The following ENTPD1 variants were observed in gnomAD, a reference collection of about 807,000 sequenced individuals.
ENTPD1 encodes the protein ectonucleoside triphosphate diphosphohydrolase 1, also known as ATP diphosphohydrolase.
In ENTPD1, 33 loss-of-function variants were observed where a neutral mutation model predicts 57.0. The observed-to-expected ratio is 0.58, with a 90% CI of 0.44 to 0.77. ENTPD1 has a LOEUF of 0.77. Among genes scored for constraint, ENTPD1 ranks in the 30% least tolerant of loss-of-function variants. The pLI, the probability that ENTPD1 is intolerant of heterozygous loss-of-function variation, is 0.00. For synonymous variants in ENTPD1, 202 were observed against 218.8 expected (o/e 0.92, Z 0.68); for missense variants, 501 against 603.4 (o/e 0.83, Z 1.78).
chr10:95,785,313 C>A (rs1018623709), intron 1 of ENTPD1: 9 of 152,214 alleles, frequency 5.9e-5, no homozygotes, highest in African/African-American at 2.2e-4. Context: ...CATAGTTCTG[C>A]TTCTTACTAG....
chr10:95,807,998 GT>G (rs1416536664), intron 1 of ENTPD1, among the ~76,000 whole-genome samples: 1 of 152,176 alleles, frequency 6.6e-6, no homozygotes, highest in Admixed American at 6.5e-5. Flanking sequence ...CCTTGTGCCA[GT>G]TTTCAAGGGG....
chr10:95,822,917 T>C (rs1438938841), intron 1 of ENTPD1, among the ~76,000 whole-genome samples: 1 of 152,250 alleles, frequency 6.6e-6, no homozygotes, highest in African/African-American at 2.4e-5. Context: ...TTGTTACTTC[T>C]ACCTTGATAG....
At chr10:95,724,908 G>A (rs571947017) in intron 1 of ENTPD1, among the ~76,000 whole-genome samples, 32 of 152,154 alleles carry the variant, frequency 2.1e-4, no homozygotes, top group African/African-American at 7.5e-4. Flanking sequence ...AGAAGTTTTG[G>A]GCCTTTATTT....
chr10:95,738,903 A>G (rs1018899831), intron 1 of ENTPD1, among the ~76,000 whole-genome samples: 2 of 152,216 alleles, frequency 1.3e-5, no homozygotes, highest in Non-Finnish European at 2.9e-5. Context: ...TTTGGATTGT[A>G]TACACAGGTA....
intron 2 of ENTPD1, among the ~76,000 whole-genome samples, chr10:95,834,965 T>C (rs1307796218): frequency 6.6e-6 from 1 of 152,074 alleles, no homozygotes; most frequent in Non-Finnish European, 1.5e-5. Flanking sequence ...TTTAGACTCA[T>C]GGGGCACATG....
chr10:95,760,298 T>G (rs577367662), intron 1 of ENTPD1, among the ~76,000 whole-genome samples: 1 of 152,352 alleles, frequency 6.6e-6, no homozygotes, highest in East Asian at 1.9e-4. Context: ...GAGTAGAATC[T>G]GGTGCCCATG....
At chr10:95,699,156 C>CA in the ENTPD1 span, among the ~76,000 whole-genome samples, 1 of 151,332 alleles carries the variant, frequency 6.6e-6, no homozygotes, top group Admixed American at 6.6e-5. Context: ...CCCTGGGTGA[C>CA]AAAGTCTCTT....
chr10:95,709,610 A>C (rs1028646746), upstream of ENTPD1, among the ~76,000 whole-genome samples: 1 of 151,722 alleles, frequency 6.6e-6, no homozygotes, highest in Non-Finnish European at 1.5e-5. Context: ...TCTCAAACTC[A>C]TGACCTCAGG....
At chr10:95,819,373 C>T (rs1022512414) in intron 1 of ENTPD1, among the ~76,000 whole-genome samples, 2 of 151,924 alleles carry the variant, frequency 1.3e-5, no homozygotes, top group Non-Finnish European at 2.9e-5. Flanking sequence ...ACCATGTTAC[C>T]CCCCAGTCTC....
chr10:95,788,596 G>A (rs944609661), intron 1 of ENTPD1, among the ~76,000 whole-genome samples: 6 of 149,550 alleles, frequency 4.0e-5, no homozygotes, highest in South Asian at 2.2e-4. Flanking sequence ...CAGCCTGGGC[G>A]ACAAAGTGAG....
chr10:95,718,119 G>C (rs1007439419), intron 1 of ENTPD1, among the ~76,000 whole-genome samples: 6 of 152,180 alleles, frequency 3.9e-5, no homozygotes, highest in Non-Finnish European at 5.9e-5. Context: ...CTTGGTAAGG[G>C]GAGCTACTGG....
At chr10:95,861,542 CCA>C (rs2098465334) in intron 8 of ENTPD1, 1 of 152,196 alleles carries the variant, frequency 6.6e-6, no homozygotes, top group African/African-American at 2.4e-5. Context: ...TGGAAGCTTG[CCA>C]TTCTCTCCAG....
chr10:95,857,693 T>C (rs1246652020), intron 7 of ENTPD1, among the ~76,000 whole-genome samples: 1 of 152,238 alleles, frequency 6.6e-6, no homozygotes, highest in East Asian at 1.9e-4. Flanking sequence ...AGAGCAGTTT[T>C]CTGCCACTTA....
intron 1 of ENTPD1, among the ~76,000 whole-genome samples, chr10:95,749,215 G>A (rs996380259): frequency 6.6e-6 from 1 of 152,174 alleles, no homozygotes; most frequent in African/African-American, 2.4e-5. Flanking sequence ...GGTACATTTT[G>A]TGCAGCAAAG....
In ENTPD1 at chr10:95,756,256, G is replaced by A. The variant is rs1452724955; in HGVS notation, c.16+1G>A. ...CTGCTACTTATGGAAGATACAAAGG[G>A]TAAGACCAAAATTGATTTGATCTGA... On this transcript the variant is annotated splice_donor_variant, in intron 1 of 9. Transcript: ENST00000371205. LOFTEE classifies it high-confidence loss of function. 3 of 1,592,678 alleles carry A rather than the reference G, an allele frequency of 1.9e-6. No individual in the cohort carries two copies. Among genetic ancestry groups the A allele is most frequent in the Non-Finnish European group, 2.6e-6 (3 of 1,168,592 alleles).
chr10:95,827,658 G>C (rs1053434569), intron 2 of ENTPD1, among the ~76,000 whole-genome samples: 7 of 151,868 alleles, frequency 4.6e-5, no homozygotes, highest in African/African-American at 1.7e-4. Flanking sequence ...GCTAATTTTT[G>C]TATTTAGTAG....
chr10:95,756,522 T>C (rs1208534945), intron 1 of ENTPD1: 2 of 109,042 alleles, frequency 1.8e-5, no homozygotes, highest in African/African-American at 1.9e-4. Context: ...TCAGAGTTGG[T>C]TTTTTTAGAG....
Position 95,866,836 on chromosome 10 carries a change from A to AT in ENTPD1, c.*454dup. ...CTGTTTGCCATCCATTAAGAAAGCC[A>AT]TATGATGCCTTTGGAGAAGGCAGAC... is the stretch of plus-strand genomic sequence containing the variant. On this transcript the variant is annotated 3_prime_UTR_variant, in exon 10 of 10. Coordinates refer to ENST00000371205, the MANE Select transcript of ENTPD1 (RefSeq NM_001776.6). The AT allele has an allele frequency of 9.5e-7, 1 of 1,051,630 alleles. No homozygotes were observed. The highest frequency in any genetic ancestry group is 1.7e-5 in the African/African-American group (1 of 59,078). 65.1% of individuals were successfully genotyped at this position (1,051,630 alleles called of 1,614,324 possible). A position where few individuals can be genotyped will look rare whatever the true frequency, so the allele number is the denominator to read the frequency against.
rs188709050 is a variant in ENTPD1, at chr10:95,761,700, G to A, written c.16+5445G>A. ...CACAAAAACTACTGTTACACAAAAA[G>A]GCCTTGTGTTAGATTTCCTGCATGT... On this transcript the variant is annotated intron_variant, in intron 1 of 9. Coordinates refer to ENST00000371205, the MANE Select transcript of ENTPD1 (RefSeq NM_001776.6). Among the ~76,000 whole-genome samples the A allele has an allele frequency of 7.2e-5, 11 of 152,302 alleles. No homozygotes were observed. In the East Asian group the frequency reaches 2.1e-3, roughly 29 times the overall value.
Sources: allele counts gnomAD v4.1 joint callset (sites outside exome capture counted in the v4.1 genomes callset), GRCh38; gene constraint gnomAD v4.1.1; transcripts MANE v1.5; gene names NCBI Gene and HGNC (gene_info 2026-07-23, HGNC 2026-07-21).